Variants in THSD7B observed in about 807,000 individuals in gnomAD.
THSD7B encodes thrombospondin type 1 domain containing 7B.
THSD7B carries 138 observed loss-of-function variants against 213.6 expected under a neutral mutation model. The observed-to-expected ratio is 0.65, with a 90% confidence interval of 0.56 to 0.74. THSD7B has a LOEUF of 0.74. Ranked by LOEUF, THSD7B falls within the 30% of genes least tolerant of loss-of-function variation. The pLI is 0.00. For synonymous variants in THSD7B, 742 were observed against 687.0 expected, an observed-to-expected ratio of 1.08 and a Z score of -1.25; for missense variants, 1,931 against 1,991.5, an observed-to-expected ratio of 0.97 and a Z score of 0.58.
intron 25 of THSD7B, among the ~76,000 whole-genome samples, chr2:137,661,587 G>A (rs531372296): frequency 6.6e-6 from 1 of 152,118 alleles, no homozygotes; most frequent in Admixed American, 6.5e-5. Context: ...CATCTGAGGG[G>A]CATAAGGCAG....
At chr2:137,502,332 G>A (rs146234233) in intron 15 of THSD7B, among the ~76,000 whole-genome samples, 1 of 152,044 alleles carries the variant, frequency 6.6e-6, no homozygotes, top group Non-Finnish European at 1.5e-5. Context: ...ATATGTATGT[G>A]TGTATATATG....
At chr2:136,970,685 G>A (rs1293095209) in intron 2 of THSD7B, among the ~76,000 whole-genome samples, 2 of 152,082 alleles carry the variant, frequency 1.3e-5, no homozygotes, top group Non-Finnish European at 2.9e-5. Flanking sequence ...TAGATTGAAA[G>A]ATCCTGCCAA....
At chr2:137,467,203 T>C (rs1688012160) in intron 15 of THSD7B, among the ~76,000 whole-genome samples, 3 of 152,162 alleles carry the variant, frequency 2.0e-5, no homozygotes, top group Admixed American at 2.0e-4. Flanking sequence ...CTATAATATT[T>C]GTCTGACGAA....
At chr2:136,909,822 T>C (rs1011918997) in intron 2 of THSD7B, among the ~76,000 whole-genome samples, 1 of 152,190 alleles carries the variant, frequency 6.6e-6, no homozygotes, top group African/African-American at 2.4e-5. Context: ...TTCCTGTTGT[T>C]GTTATTGATT....
At chr2:136,993,093 G>T (rs74537177) in intron 2 of THSD7B, among the ~76,000 whole-genome samples, 2,685 of 152,288 alleles carry the variant, frequency 0.018, 75 homozygotes, top group African/African-American at 0.062. Context: ...CCACCTGAAT[G>T]ATTCATAAAG....
At chr2:137,301,869 T>G (rs1434550879) in intron 12 of THSD7B, among the ~76,000 whole-genome samples, 2 of 152,086 alleles carry the variant, frequency 1.3e-5, no homozygotes, top group Non-Finnish European at 2.9e-5. Flanking sequence ...CTTTTGATTT[T>G]TACTCAGTGA....
chr2:137,114,195 G>T (rs904771332), intron 4 of THSD7B, among the ~76,000 whole-genome samples: 3 of 152,120 alleles, frequency 2.0e-5, no homozygotes, highest in Non-Finnish European at 4.4e-5. Context: ...AATATGAAAT[G>T]GGACAGCAGA....
chr2:136,957,435 ACGT>A (rs386650948), intron 2 of THSD7B, among the ~76,000 whole-genome samples: 6 of 123,996 alleles, frequency 4.8e-5, no homozygotes, highest in South Asian at 4.8e-4. Flanking sequence ...GGCCAATACA[ACGT>A]TTTTTTTTTT....
intron 1 of THSD7B, among the ~76,000 whole-genome samples, chr2:136,869,233 G>A (rs79467711): frequency 0.02 from 3,060 of 152,264 alleles, 97 homozygotes; most frequent in African/African-American, 0.069. Context: ...GCTATTTACC[G>A]TAGGGTTGCG....
At chr2:137,619,983 C>A (rs1682487137) in intron 19 of THSD7B, among the ~76,000 whole-genome samples, 1 of 152,038 alleles carries the variant, frequency 6.6e-6, no homozygotes, top group African/African-American at 2.4e-5. Flanking sequence ...TTTATTATTC[C>A]TTCTGTGTTT....
At chr2:137,195,033 T>C (rs963195129) in intron 7 of THSD7B, among the ~76,000 whole-genome samples, 1 of 152,146 alleles carries the variant, frequency 6.6e-6, no homozygotes, top group African/African-American at 2.4e-5. Flanking sequence ...AGAAAGATGC[T>C]ATCTTTAGGA....
intron 2 of THSD7B, among the ~76,000 whole-genome samples, chr2:136,979,621 T>TC (rs1315485133): frequency 2.0e-5 from 3 of 152,222 alleles, no homozygotes; most frequent in Non-Finnish European, 4.4e-5. Flanking sequence ...ATTTTTCAGT[T>TC]CCATCAGGTC....
chr2:137,331,313 A>G (rs1409303804), intron 12 of THSD7B, among the ~76,000 whole-genome samples: 1 of 151,756 alleles, frequency 6.6e-6, no homozygotes, highest in African/African-American at 2.4e-5. Flanking sequence ...CAGGGTGCTG[A>G]TTGGTGTATT....
At chr2:136,981,899 C>T (rs528610770) in intron 2 of THSD7B, among the ~76,000 whole-genome samples, 7 of 152,282 alleles carry the variant, frequency 4.6e-5, no homozygotes. Flanking sequence ...CATTTGTTGT[C>T]CAGCACGTGT....
intron 1 of THSD7B, among the ~76,000 whole-genome samples, chr2:136,833,386 A>AAAAAG (rs397968200): frequency 1.6e-5 from 2 of 128,498 alleles, no homozygotes; most frequent in African/African-American, 6.5e-5. Context: ...AAAAAAAAAA[A>AAAAAG]GAGAGAGAGA....
chr2:136,892,196 T>G (rs1683873233), intron 2 of THSD7B, among the ~76,000 whole-genome samples: 1 of 152,130 alleles, frequency 6.6e-6, no homozygotes, highest in Non-Finnish European at 1.5e-5. Flanking sequence ...GGTCACTTTT[T>G]CTGCCTTCTG....
intron 17 of THSD7B, among the ~76,000 whole-genome samples, chr2:137,582,942 T>G (rs1681615354): frequency 6.6e-6 from 1 of 152,204 alleles, no homozygotes; most frequent in Non-Finnish European, 1.5e-5. Context: ...TTAAATTAGT[T>G]TACACTCCCA....
chr2:137,425,848 C>A (rs1687043012), intron 14 of THSD7B, among the ~76,000 whole-genome samples: 1 of 152,044 alleles, frequency 6.6e-6, no homozygotes, highest in Non-Finnish European at 1.5e-5. Flanking sequence ...AGCAATGATG[C>A]AAGCAAATAA....
At chr2:137,279,847 G>T (rs1682962404) in intron 12 of THSD7B, among the ~76,000 whole-genome samples, 2 of 152,134 alleles carry the variant, frequency 1.3e-5, no homozygotes, top group Non-Finnish European at 2.9e-5. Flanking sequence ...TTGCAAAAAG[G>T]ATCTTTGTAG....
Sources: allele counts gnomAD v4.1 joint callset (sites outside exome capture counted in the v4.1 genomes callset), GRCh38; gene constraint gnomAD v4.1.1; transcripts MANE v1.5; gene names NCBI Gene and HGNC (gene_info 2026-07-23, HGNC 2026-07-21).